The following BNIP3L variants were observed in gnomAD, a reference collection of about 807,000 sequenced individuals.
BNIP3L encodes the protein BCL2 interacting protein 3 like.
In BNIP3L, 10 loss-of-function variants were observed where a neutral mutation model predicts 25.5. The observed-to-expected ratio is 0.39, with a 90% CI of 0.24 to 0.67. The LOEUF is 0.67. BNIP3L is among the 30% of genes least tolerant of loss of function. The probability of loss-of-function intolerance (pLI) is 0.45; values close to 1 mark genes in which losing one functional copy is unlikely to be tolerated. For synonymous variants in BNIP3L, 113 were observed against 101.2 expected (o/e 1.12, Z -0.70); for missense variants, 215 against 270.9 (o/e 0.79, Z 1.45).
In BNIP3L at chr8:26,391,430, AGT is replaced by A. The variant is rs774924724; in HGVS notation, c.284+6_284+7del. ...GAGGCAGTTCTCACTGTGACAGGTA[AGT>A]GAGACCCATGTTTTGGTGGAATTCA... On this transcript the variant is annotated splice_donor_5th_base_variant and intron_variant, in intron 2 of 5. Transcript: ENST00000380629. 1.0e-5 allele frequency: 16 copies of A among 1,534,206 alleles called. No homozygotes were observed. Among genetic ancestry groups the A allele is most frequent in the Non-Finnish European group, 1.3e-5 (15 of 1,136,608 alleles).
intron 3 of BNIP3L, among the ~76,000 whole-genome samples, chr8:26,403,926 T>C (rs745323803): frequency 1.3e-5 from 2 of 152,186 alleles, no homozygotes; most frequent in Non-Finnish European, 2.9e-5. Context: ...TAATTACTTA[T>C]CTAAGATCAC....
At chr8:26,401,343 A>G (rs1252004552) in intron 3 of BNIP3L, among the ~76,000 whole-genome samples, 1 of 144,612 alleles carries the variant, frequency 6.9e-6, no homozygotes, top group African/African-American at 2.6e-5. Flanking sequence ...GCATATTCTC[A>G]CTCATAGGTG....
chr8:26,390,779 C>A (rs555667717), intron 1 of BNIP3L, among the ~76,000 whole-genome samples: 44 of 152,260 alleles, frequency 2.9e-4, no homozygotes, highest in Non-Finnish European at 5.1e-4. Flanking sequence ...ACTTAGATGA[C>A]CTTTTATGAA....
chr8:26,392,450 G>T (rs183039144), intron 2 of BNIP3L, among the ~76,000 whole-genome samples: 6 of 152,072 alleles, frequency 3.9e-5, no homozygotes, highest in Non-Finnish European at 7.4e-5. Context: ...CTTATCAGAA[G>T]AAGTGAAAAA....
intron 1 of BNIP3L, chr8:26,390,391 A>G: frequency 1.0e-6 from 1 of 985,456 alleles, no homozygotes; most frequent in Non-Finnish European, 1.2e-6. Context: ...TTTTTGTCCA[A>G]GAAAACTTTT....
intron 2 of BNIP3L, among the ~76,000 whole-genome samples, chr8:26,393,166 C>T (rs3808579): frequency 0.71 from 107,476 of 151,600 alleles, 38,366 homozygotes; most frequent in East Asian, 0.88. Context: ...CTCACATCAT[C>T]TGAATTGCCA....
At chr8:26,393,047 A>C (rs1403472766) in intron 2 of BNIP3L, among the ~76,000 whole-genome samples, 2 of 151,812 alleles carry the variant, frequency 1.3e-5, no homozygotes, top group African/African-American at 4.8e-5. Context: ...CCCTCATCTT[A>C]TGTCTCTCCA....
intron 1 of BNIP3L, chr8:26,383,431 G>A (rs1805901789): frequency 5.0e-6 from 7 of 1,410,026 alleles, no homozygotes; most frequent in Non-Finnish European, 5.5e-6. Context: ...TGCCTCCTGG[G>A]GTCTTGGGCC....
intron 1 of BNIP3L, among the ~76,000 whole-genome samples, chr8:26,389,415 T>G (rs138376424): frequency 6.6e-6 from 1 of 152,120 alleles, no homozygotes; most frequent in Non-Finnish European, 1.5e-5. Context: ...CAATGTTAGA[T>G]CTCTCTTAGC....
chr8:26,388,623 G>A (rs1392419238), intron 1 of BNIP3L, among the ~76,000 whole-genome samples: 1 of 152,254 alleles, frequency 6.6e-6, no homozygotes, highest in Non-Finnish European at 1.5e-5. Flanking sequence ...GATTGCTTAT[G>A]TGTTTTTAAT....
intron 3 of BNIP3L, among the ~76,000 whole-genome samples, chr8:26,398,041 A>T (rs1806286443): frequency 1.8e-5 from 1 of 55,738 alleles, no homozygotes; most frequent in African/African-American, 7.4e-5. Context: ...TTAACACCCC[A>T]CTGTCAATAT....
In BNIP3L at chr8:26,391,266, A is replaced by G; in HGVS notation, c.124A>G (p.Asn42Asp). Residue 42 changes from asparagine to aspartate, a missense_variant, in exon 2 of 6, where the codon AAC (asparagine) becomes GAC (aspartate). By Grantham distance (23) the Asn-to-Asp change is conservative (BLOSUM62 1). Transcript: ENST00000380629. Reference protein sequence around the residue: ...LNSSWVELPMNSSNGNDNGNG... With the variant: ...LNSSWVELPMDSSNGNDNGNG... ...AGGTTCCTGGGTGGAGCTACCCATG[A>G]ACAGCAGCAATGGCAATGATAATGG... 6.2e-7 allele frequency: 1 copy of G among 1,610,334 alleles called. No individual in the cohort carries two copies.
Position 26,406,293 on chromosome 8 carries a change from G to T in BNIP3L, c.358-1707G>T, listed in dbSNP as rs377147428. 6.6e-5 allele frequency among the ~76,000 whole-genome samples: 10 copies of T among 152,242 alleles called. No individual in the cohort carries two copies. In the East Asian group the frequency reaches 7.7e-4, roughly 12 times the overall value. ...TTGGCTAACATAGTTTCGAAACCTT[G>T]GAAAATGTTTGTATAGCAATTTGTC... On this transcript the variant is annotated intron_variant, in intron 3 of 5. Transcript: ENST00000380629.
At chr8:26,407,199 T>A (rs1412337212) in intron 3 of BNIP3L, among the ~76,000 whole-genome samples, 2 of 149,934 alleles carry the variant, frequency 1.3e-5, no homozygotes, top group South Asian at 2.1e-4. Flanking sequence ...TTTGTTTTGT[T>A]TTTTGAGGCG....
At chr8:26,383,564 A>G (rs1027125873) in intron 1 of BNIP3L, 2 of 25,622 alleles carry the variant, frequency 7.8e-5, no homozygotes, top group East Asian at 9.8e-4. Flanking sequence ...GGGGGCGGGG[A>G]GGCCGGGTGG....
chr8:26,395,771 C>CGTGCGCAGTGG (rs1308917912), intron 3 of BNIP3L: 1 of 155,142 alleles, frequency 6.4e-6, no homozygotes, highest in Non-Finnish European at 1.4e-5. Context: ...GTGCGCGCAC[C>CGTGCGCAGTGG]GTGCGCGAGC....
chr8:26,410,723 A>G lies in BNIP3L; in HGVS notation c.*311A>G. 1 of 363,986 alleles carries G rather than the reference A, an allele frequency of 2.7e-6. No homozygotes were observed. The highest frequency in any genetic ancestry group is 2.7e-5 in the South Asian group (1 of 37,140). 22.5% of individuals were successfully genotyped at this position (363,986 alleles called of 1,614,324 possible). ...TTATAATTTTGTCAGCAATGCTATT[A>G]TCTCTAATTAGTGCCACCAGACTAG... On this transcript the variant is annotated 3_prime_UTR_variant, in exon 6 of 6. Coordinates refer to ENST00000380629, the MANE Select transcript of BNIP3L (RefSeq NM_004331.3).
chr8:26,395,735 G>A (rs1023982101), intron 3 of BNIP3L: 2 of 177,116 alleles, frequency 1.1e-5, no homozygotes, highest in Non-Finnish European at 2.4e-5. Context: ...ACTAGGGAGT[G>A]CCAGACAGTG....
chr8:26,413,056 A>G lies in BNIP3L; in HGVS notation c.*2644A>G, dbSNP rs1314463397. ...ATTTTAGTTAGCACTTTGTATCGTTATATACAGTTTACAATACATGTATAA... is the reference window on the plus strand; with the variant it reads ...ATTTTAGTTAGCACTTTGTATCGTTGTATACAGTTTACAATACATGTATAA... On this transcript the variant is annotated 3_prime_UTR_variant, in exon 6 of 6. Coordinates refer to ENST00000380629, the MANE Select transcript of BNIP3L (RefSeq NM_004331.3). The surrounding 1 kb of genome is among the most constrained non-coding windows in gnomAD (Gnocchi z 5.2). The G allele has an allele frequency of 1.3e-5, 2 of 152,682 alleles. No individual in the cohort carries two copies. Among genetic ancestry groups the G allele is most frequent in the African/African-American group, 4.8e-5 (2 of 41,460 alleles). The allele number at this position is 152,682 out of a possible 1,614,324, so 9.5% of individuals were successfully genotyped here.
Sources: allele counts gnomAD v4.1 joint callset (sites outside exome capture counted in the v4.1 genomes callset), GRCh38; gene constraint gnomAD v4.1.1; non-coding constraint Gnocchi (gnomAD v3.1); transcripts MANE v1.5; gene names NCBI Gene and HGNC (gene_info 2026-07-23, HGNC 2026-07-21).